The following EPHA5 variants were observed in gnomAD, a reference collection of about 807,000 sequenced individuals.
The protein encoded by EPHA5 is ephrin type-A receptor 5.
A neutral mutation model predicts 105.0 loss-of-function variants in EPHA5; 60 were observed. The ratio of observed to expected loss-of-function variants is 0.57; its 90% CI spans 0.46 to 0.71. The LOEUF (loss-of-function observed/expected upper bound fraction) is 0.71, where lower values mean the gene tolerates loss of function less well. Among genes scored for constraint, EPHA5 ranks in the 30% least tolerant of loss-of-function variants. The pLI is 0.00. For missense variants in EPHA5, 1,218 were observed against 1,274.7 expected, an observed-to-expected ratio of 0.96 and a Z score of 0.68; for synonymous variants, 513 against 449.1, an observed-to-expected ratio of 1.14 and a Z score of -1.80.
chr4:65,521,494 C>G (rs12374319), intron 3 of EPHA5, among the ~76,000 whole-genome samples: 38,729 of 151,740 alleles, frequency 0.26, 5,151 homozygotes, highest in African/African-American at 0.32. Flanking sequence ...CTCACATTGT[C>G]CACATGTACC....
chr4:65,475,453 C>A (rs1044787489), intron 5 of EPHA5, among the ~76,000 whole-genome samples: 6 of 152,066 alleles, frequency 3.9e-5, no homozygotes, highest in African/African-American at 1.4e-4. Context: ...TTAAACATAA[C>A]TTTGCCTCTC....
chr4:65,626,785 G>T (rs983425134), intron 2 of EPHA5, among the ~76,000 whole-genome samples: 5 of 152,178 alleles, frequency 3.3e-5, no homozygotes, highest in Admixed American at 2.0e-4. Flanking sequence ...TTACACAGCT[G>T]CCTTCTCTTT....
At chr4:65,642,183 T>G (rs868103185) in intron 2 of EPHA5, among the ~76,000 whole-genome samples, 1 of 152,056 alleles carries the variant, frequency 6.6e-6, no homozygotes, top group African/African-American at 2.4e-5. Context: ...GAAAAAAAAA[T>G]TAAAATATTT....
intron 1 of EPHA5, among the ~76,000 whole-genome samples, chr4:65,650,817 T>C (rs1748546787): frequency 6.6e-6 from 1 of 152,192 alleles, no homozygotes; most frequent in Non-Finnish European, 1.5e-5. Flanking sequence ...AACACTTTCT[T>C]CAAAATACTG....
intron 3 of EPHA5, among the ~76,000 whole-genome samples, chr4:65,516,215 G>A (rs1272242373): frequency 6.6e-6 from 1 of 152,096 alleles, no homozygotes; most frequent in East Asian, 1.9e-4. Context: ...CTGTTCACTG[G>A]AAGCCTTACC....
At chr4:65,504,505 A>C (rs758758283) in intron 3 of EPHA5, among the ~76,000 whole-genome samples, 5 of 151,890 alleles carry the variant, frequency 3.3e-5, no homozygotes, top group Admixed American at 6.6e-5. Context: ...CTCCTAAGAT[A>C]AAATAGTTAA....
intron 3 of EPHA5, among the ~76,000 whole-genome samples, chr4:65,514,173 C>G (rs1004436034): frequency 6.6e-6 from 1 of 152,112 alleles, no homozygotes; most frequent in Admixed American, 6.6e-5. Context: ...ATTGCACCTT[C>G]CAGACCATGC....
In EPHA5 at chr4:65,564,345, T is replaced by C. The variant is rs548810331; in HGVS notation, c.910+37296A>G. On this transcript the variant is annotated intron_variant, in intron 3 of 16. Transcript: ENST00000613740. ...ATGATAGCTCCTATTAAAGTTTAGG[T>C]AATTACTGGGGTCCTAATTGCTAGA... Among the ~76,000 whole-genome samples, 6 of 152,002 alleles carry C rather than the reference T, an allele frequency of 3.9e-5. No homozygotes were observed. In the South Asian group the frequency reaches 1.2e-3, roughly 32 times the overall value.
intron 8 of EPHA5, among the ~76,000 whole-genome samples, chr4:65,397,383 G>T (rs986364242): frequency 6.6e-6 from 1 of 152,036 alleles, no homozygotes; most frequent in African/African-American, 2.4e-5. Flanking sequence ...TTGTAGTTGG[G>T]GAGACCTCTT....
intron 2 of EPHA5, among the ~76,000 whole-genome samples, chr4:65,604,053 A>T (rs1743986804): frequency 1.3e-5 from 2 of 152,284 alleles, no homozygotes; most frequent in South Asian, 4.1e-4. Flanking sequence ...AATGAAAGAT[A>T]TCAAAAATCT....
At chr4:65,644,209 C>CAA (rs1483926404) in intron 1 of EPHA5, among the ~76,000 whole-genome samples, 3 of 151,834 alleles carry the variant, frequency 2.0e-5, no homozygotes, top group Non-Finnish European at 4.4e-5. Flanking sequence ...AGTATCTACA[C>CAA]ACACACACAC....
chr4:65,480,836 G>A (rs1730285717), intron 5 of EPHA5, among the ~76,000 whole-genome samples: 1 of 150,808 alleles, frequency 6.6e-6, no homozygotes, highest in Admixed American at 6.7e-5. Context: ...ACTAGCCAGA[G>A]TATATTTTGA....
chr4:65,483,773 G>A (rs990666994), intron 5 of EPHA5, among the ~76,000 whole-genome samples: 2 of 152,024 alleles, frequency 1.3e-5, no homozygotes, highest in Non-Finnish European at 2.9e-5. Context: ...GTGTGTATTT[G>A]GAAGAGTTAC....
At chr4:65,644,128 G>T (rs1018183579) in intron 1 of EPHA5, among the ~76,000 whole-genome samples, 3 of 151,854 alleles carry the variant, frequency 2.0e-5, no homozygotes, top group African/African-American at 7.3e-5. Flanking sequence ...TTATATATGG[G>T]AATCCCAAGA....
chr4:65,547,145 T>C (rs981883204), intron 3 of EPHA5, among the ~76,000 whole-genome samples: 2 of 151,974 alleles, frequency 1.3e-5, no homozygotes, highest in Admixed American at 6.6e-5. Context: ...GTGTAGGTGT[T>C]TGTGTGAAAT....
intron 3 of EPHA5, among the ~76,000 whole-genome samples, chr4:65,537,661 A>G (rs1256252344): frequency 6.6e-6 from 1 of 151,780 alleles, no homozygotes; most frequent in African/African-American, 2.4e-5. Context: ...GCAAGAGACA[A>G]TTCTGCATTT....
At chr4:65,612,371 C>T (rs1222813934) in intron 2 of EPHA5, among the ~76,000 whole-genome samples, 6 of 152,166 alleles carry the variant, frequency 3.9e-5, no homozygotes, top group Non-Finnish European at 8.8e-5. Flanking sequence ...ATTCCACTCT[C>T]TATATCCGTG....
chr4:65,446,748 G>T (rs1283536381), intron 5 of EPHA5, among the ~76,000 whole-genome samples: 1 of 152,138 alleles, frequency 6.6e-6, no homozygotes, highest in African/African-American at 2.4e-5. Flanking sequence ...GGAGGGATTG[G>T]GGGTCATTGT....
intron 16 of EPHA5, among the ~76,000 whole-genome samples, chr4:65,328,728 A>C (rs4362877): frequency 0.17 from 25,027 of 151,056 alleles, 2,253 homozygotes; most frequent in East Asian, 0.33. Context: ...TACTTTTGGC[A>C]AGAAGAGATT....
Sources: allele counts gnomAD v4.1 joint callset (sites outside exome capture counted in the v4.1 genomes callset), GRCh38; gene constraint gnomAD v4.1.1; transcripts MANE v1.5; gene names NCBI Gene and HGNC (gene_info 2026-07-23, HGNC 2026-07-21).